The following ACSS3 variants were observed in gnomAD, a reference collection of about 807,000 sequenced individuals.
ACSS3 encodes the protein acyl-CoA synthetase short-chain family member 3, mitochondrial.
A neutral mutation model predicts 84.2 loss-of-function variants in ACSS3; 64 were observed. The observed-to-expected ratio is 0.76, with a 90% CI of 0.62 to 0.94. ACSS3 has a LOEUF of 0.94. Among genes scored for constraint, ACSS3 ranks in the 40% least tolerant of loss-of-function variants. The pLI is 0.00. For synonymous variants in ACSS3, 317 were observed against 310.1 expected, an observed-to-expected ratio of 1.02 and a Z score of -0.23; for missense variants, 815 against 867.6, an observed-to-expected ratio of 0.94 and a Z score of 0.76.
chr12:81,091,653 A>T (rs1409565108), intron 1 of ACSS3, among the ~76,000 whole-genome samples: 1 of 150,450 alleles, frequency 6.6e-6, no homozygotes, highest in Admixed American at 6.6e-5. Flanking sequence ...AGTAAAAAAT[A>T]CTTTAATAAG....
At chr12:81,088,323 G>A (rs554722721) in intron 1 of ACSS3, among the ~76,000 whole-genome samples, 1 of 152,152 alleles carries the variant, frequency 6.6e-6, no homozygotes, top group South Asian at 2.1e-4. Context: ...TTTTGCAATC[G>A]TTACCGTATG....
chr12:81,094,681 G>A (rs991376709), intron 1 of ACSS3: 1 of 152,170 alleles, frequency 6.6e-6, no homozygotes, highest in Non-Finnish European at 1.5e-5. Context: ...CTCGACTGTA[G>A]AGGAGCATTT....
chr12:81,229,499 G>T (rs759223791), intron 11 of ACSS3, among the ~76,000 whole-genome samples: 10 of 151,740 alleles, frequency 6.6e-5, no homozygotes, highest in South Asian at 6.2e-4. Flanking sequence ...ACACTTTTCT[G>T]TCAAATATTA....
intron 7 of ACSS3, 81 bp from the exon 8 acceptor site, chr12:81,174,707 G>T: frequency 1.5e-6 from 2 of 1,372,120 alleles, no homozygotes; most frequent in Non-Finnish European, 2.0e-6. Context: ...TAATATTGTT[G>T]TGTTAAATGT....
chr12:81,080,383 A>C (rs1238984405), intron 1 of ACSS3, among the ~76,000 whole-genome samples: 1 of 151,712 alleles, frequency 6.6e-6, no homozygotes, highest in African/African-American at 2.4e-5. Context: ...TGTGTATAAG[A>C]TGTGTTTAAT....
intron 7 of ACSS3, chr12:81,158,528 T>C (rs1280159954): frequency 6.5e-6 from 1 of 154,096 alleles, no homozygotes; most frequent in Non-Finnish European, 1.5e-5. Context: ...CCAAAGTCAA[T>C]GGGCATTTTC....
chr12:81,124,828 G>A (rs1308681983), intron 2 of ACSS3, among the ~76,000 whole-genome samples: 1 of 152,030 alleles, frequency 6.6e-6, no homozygotes. Flanking sequence ...TCTTTCTTTG[G>A]TCTCCTGGAG....
At chr12:81,138,131 A>G (rs1004973584) in intron 3 of ACSS3, among the ~76,000 whole-genome samples, 1 of 152,232 alleles carries the variant, frequency 6.6e-6, no homozygotes, top group South Asian at 2.1e-4. Context: ...TCAGGAATAC[A>G]TGCAATACTT....
chr12:81,222,259 C>T (rs2033135537), intron 11 of ACSS3, among the ~76,000 whole-genome samples: 1 of 151,958 alleles, frequency 6.6e-6, no homozygotes. Context: ...TGATTCCTCT[C>T]TTAGGTTAAC....
intron 7 of ACSS3, among the ~76,000 whole-genome samples, chr12:81,155,372 A>G (rs1328318941): frequency 1.3e-5 from 2 of 152,124 alleles, no homozygotes; most frequent in Non-Finnish European, 2.9e-5. Flanking sequence ...TGGCTTCTAA[A>G]TCCCCTTTTT....
At chr12:81,244,489 T>C (rs2033917784) in intron 13 of ACSS3, among the ~76,000 whole-genome samples, 1 of 152,128 alleles carries the variant, frequency 6.6e-6, no homozygotes, top group African/African-American at 2.4e-5. Flanking sequence ...ATTACCGCTA[T>C]TATGTGTTTG....
In ACSS3 at chr12:81,258,226, G is replaced by A. The variant is rs995758693; in HGVS notation, c.*3304G>A. 20 of 152,078 alleles carry A rather than the reference G, an allele frequency of 1.3e-4. No homozygotes were observed. Among genetic ancestry groups the A allele is most frequent in the African/African-American group, 4.1e-4 (17 of 41,436 alleles). 9.4% of individuals were successfully genotyped at this position (152,078 alleles called of 1,614,324 possible). A position where few individuals can be genotyped will look rare whatever the true frequency, so the allele number is the denominator to read the frequency against. ...TTCCTGATAGTTTAAGTAAATTGTC[G>A]AGCCTTATGTGACTAGAAAACAAAG... On this transcript the variant is annotated 3_prime_UTR_variant, in exon 16 of 16. Transcript: ENST00000548058.
intron 8 of ACSS3, among the ~76,000 whole-genome samples, chr12:81,185,600 A>G (rs377345378): frequency 1.8e-4 from 27 of 151,782 alleles, no homozygotes; most frequent in African/African-American, 6.5e-4. Context: ...CATTGAAAAG[A>G]TAAAATAAAA....
intron 8 of ACSS3, among the ~76,000 whole-genome samples, chr12:81,193,090 T>C (rs2031656785): frequency 6.6e-6 from 1 of 152,160 alleles, no homozygotes; most frequent in Admixed American, 6.5e-5. Flanking sequence ...ATATTAACAC[T>C]AGCGTCTTTA....
Position 81,257,987 on chromosome 12 carries a change from G to A in ACSS3, c.*3065G>A, listed in dbSNP as rs1157388978. 2 of 152,034 alleles carry A rather than the reference G, an allele frequency of 1.3e-5. No homozygotes were observed. Among genetic ancestry groups the A allele is most frequent in the Non-Finnish European group, 2.9e-5 (2 of 67,988 alleles). 9.4% of individuals were successfully genotyped at this position (152,034 alleles called of 1,614,324 possible). A position where few individuals can be genotyped will look rare whatever the true frequency, so the allele number is the denominator to read the frequency against. On this transcript the variant is annotated 3_prime_UTR_variant, in exon 16 of 16. Coordinates refer to ENST00000548058, the MANE Select transcript of ACSS3 (RefSeq NM_024560.4). ...AATAGTAGATACAAATCTAGTTATG[G>A]CATTATAATGTCGTAGTTCCTATAT...
chr12:81,138,755 G>A (rs1001992698), intron 3 of ACSS3, among the ~76,000 whole-genome samples: 3 of 152,172 alleles, frequency 2.0e-5, no homozygotes, highest in Admixed American at 2.0e-4. Context: ...CCTATGAAAT[G>A]CTACTACAAC....
chr12:81,101,041 G>A (rs1393339186), intron 1 of ACSS3, among the ~76,000 whole-genome samples: 2 of 152,132 alleles, frequency 1.3e-5, no homozygotes, highest in African/African-American at 4.8e-5. Context: ...GTTCTGTGTA[G>A]CCAGTTATTA....
intron 13 of ACSS3, among the ~76,000 whole-genome samples, chr12:81,248,788 T>A (rs573828729): frequency 6.6e-6 from 1 of 152,032 alleles, no homozygotes; most frequent in East Asian, 1.9e-4. Flanking sequence ...CATTACACAC[T>A]CTATGCATGT....
intron 7 of ACSS3, among the ~76,000 whole-genome samples, chr12:81,172,259 C>CAAAAAAAAAAAAAAAAA (rs775755412): frequency 1.8e-5 from 1 of 56,982 alleles, no homozygotes; most frequent in African/African-American, 7.0e-5. Context: ...GGCTCTGTCT[C>CAAAAAAAAAAAAAAAAA]AAAAAAAAAA....
Sources: gnomAD v4.1 joint callset for allele counts (sites outside exome capture counted in the v4.1 genomes callset) on GRCh38, gnomAD v4.1.1 for gene constraint, MANE v1.5 for transcripts, NCBI Gene and HGNC (gene_info 2026-07-23, HGNC 2026-07-21) for gene names.